The following ALDH4A1 variants were observed in gnomAD, a reference collection of about 807,000 sequenced individuals.
The protein encoded by ALDH4A1 is aldehyde dehydrogenase 4 family member A1.
ALDH4A1 carries 46 observed loss-of-function variants against 70.5 expected under a neutral mutation model. The ratio of observed to expected loss-of-function variants is 0.65; its 90% CI spans 0.51 to 0.83. ALDH4A1 has a LOEUF of 0.83. Among genes scored for constraint, ALDH4A1 ranks in the 40% least tolerant of loss-of-function variants. The pLI is 0.00. For missense variants in ALDH4A1, 749 were observed against 766.5 expected (o/e 0.98, Z 0.27); for synonymous variants, 323 against 324.3 (o/e 1.00, Z 0.04).
At chr1:18,874,273 G>A (rs1178954812) in intron 14 of ALDH4A1, among the ~76,000 whole-genome samples, 190 bp downstream of exon 14, 1 of 152,246 alleles carries the variant, frequency 6.6e-6, no homozygotes, top group African/African-American at 2.4e-5. Flanking sequence ...TTCCTCCTCT[G>A]TAAAATGGGA....
chr1:18,894,453 G>C (rs1935548045), intron 1 of ALDH4A1, among the ~76,000 whole-genome samples: 3 of 152,254 alleles, frequency 2.0e-5, no homozygotes, highest in Admixed American at 2.0e-4. Context: ...TGAGGCAGGA[G>C]AATCACTTGA....
intron 1 of ALDH4A1, among the ~76,000 whole-genome samples, chr1:18,899,786 CTTTATGGTGA>C (rs1935740232): frequency 6.6e-6 from 1 of 152,234 alleles, no homozygotes; most frequent in Admixed American, 6.5e-5. Context: ...AAAGGCCACA[CTTTATGGTGA>C]TTGTCCTGAG....
In ALDH4A1 at chr1:18,902,510, G is replaced by C. The variant is rs1253574722; in HGVS notation, c.14C>G (p.Ala5Gly). 2.0e-6 allele frequency: 3 copies of C among 1,478,606 alleles called. No homozygotes were observed. The highest frequency in any genetic ancestry group is 2.6e-5 in the South Asian group (2 of 77,490). The allele number at this position is 1,478,606 out of a possible 1,614,324, so 91.6% of individuals were successfully genotyped here. A position where few individuals can be genotyped will look rare whatever the true frequency, so the allele number is the denominator to read the frequency against. ...CAGCAGGGCGCGGCGGAGCGCGGGC[G>C]CCGGCAGCAGCATCTCGGGTTAGAA... MLLP[A>G]PALRRALLSR... Residue 5 changes from alanine (A) to glycine (G), a missense_variant, in exon 1 of 15, where the codon GCG becomes GGG. Physicochemically the swap from Ala to Gly is moderately conservative, Grantham distance 60. Coordinates refer to ENST00000375341, the MANE Select transcript of ALDH4A1 (RefSeq NM_003748.4).
At chr1:18,882,499 C>T (rs915924012) in intron 7 of ALDH4A1, 4 of 507,900 alleles carry the variant, frequency 7.9e-6, no homozygotes, top group East Asian at 5.6e-5. Flanking sequence ...AACCTCACTC[C>T]GATAATGGCA....
intron 13 of ALDH4A1, 22 bp from the exon 14 acceptor site, chr1:18,874,603 A>G (rs1160021437): frequency 6.2e-7 from 1 of 1,612,354 alleles, no homozygotes; most frequent in South Asian, 1.1e-5. Flanking sequence ...AGCAGTGGTG[A>G]CAGAGCAACC....
chr1:18,885,743 G>A (rs1481269674), intron 4 of ALDH4A1, 115 bp from the exon 5 acceptor site: 2 of 1,435,418 alleles, frequency 1.4e-6, no homozygotes, highest in East Asian at 2.4e-5. Flanking sequence ...GACAATGCCT[G>A]TCTCCCTGGG....
Position 18,900,514 on chromosome 1 carries a change from G to GT in ALDH4A1, c.62+1947dup, listed in dbSNP as rs372551775. Among the ~76,000 whole-genome samples the GT allele has an allele frequency of 1.4e-3, 208 of 152,276 alleles. 2 individuals carry two copies. Among genetic ancestry groups the GT allele is most frequent in the African/African-American group, 4.7e-3 (196 of 41,552 alleles). ...ACTTGTGTTTCCTGTCAGGGCCAGG[G>GT]TTTTTTTCGTAATTGTCAGGGCCGG... On this transcript the variant is annotated intron_variant, in intron 1 of 14. Coordinates refer to ENST00000375341, the MANE Select transcript of ALDH4A1 (RefSeq NM_003748.4).
At chr1:18,876,542 C>A in intron 11 of ALDH4A1, 75 bp from the exon 12 acceptor site, 2 of 1,468,838 alleles carry the variant, frequency 1.4e-6, no homozygotes, top group Non-Finnish European at 1.8e-6. Flanking sequence ...AACACACTCA[C>A]CCCGAAACAC....
chr1:18,875,447 C>G lies in ALDH4A1; in HGVS notation c.1395G>C (p.Glu465Asp), dbSNP rs1934635886. Residue 465 changes from glutamate (E) to aspartate (D), a missense_variant, in exon 13 of 15, where the codon GAG (glutamate) becomes GAC (aspartate). Coordinates refer to ENST00000375341, the MANE Select transcript of ALDH4A1 (RefSeq NM_003748.4). ...VYVYPDDKYKETLQLVDSTTS... is the reference protein window; with the variant it reads ...VYVYPDDKYKDTLQLVDSTTS... ...TGGTGCTGTCAACCAGCTGCAGCGT[C>G]TCCTTGTACTTGTCATCCGGGTAGA... 6.2e-7 allele frequency: 1 copy of G among 1,614,164 alleles called. No homozygotes were observed. Among genetic ancestry groups the G allele is most frequent in the Non-Finnish European group, 8.5e-7 (1 of 1,180,018 alleles).
At chr1:18,876,661 C>CTGTGTGTGTGTGTGTG (rs10524811) in intron 11 of ALDH4A1, among the ~76,000 whole-genome samples, 194 bp from the exon 12 acceptor site, 31,480 of 146,686 alleles carry the variant, frequency 0.21, 3,437 homozygotes, top group Middle Eastern at 0.25. Flanking sequence ...GACATGAACA[C>CTGTGTGTGTGTGTGTG]TGTGTGTGTG....
chr1:18,878,571 C>T lies in ALDH4A1; in HGVS notation c.940+729G>A, dbSNP rs1934825549. Among the ~76,000 whole-genome samples the T allele has an allele frequency of 1.3e-5, 2 of 152,124 alleles. 1 individual carries two copies. Among genetic ancestry groups the T allele is most frequent in the South Asian group, 4.1e-4 (2 of 4,820 alleles). ...TGCAACTCTCCCTCCCTCTAGGCCT[C>T]AGCACATTCCCAAAATGTGCTCCAC... On this transcript the variant is annotated intron_variant, in intron 9 of 14. Transcript: ENST00000375341.
Position 18,872,636 on chromosome 1 carries a change from G to C in ALDH4A1, c.*209C>G. On this transcript the variant is annotated 3_prime_UTR_variant, in exon 15 of 15. Coordinates refer to ENST00000375341, the MANE Select transcript of ALDH4A1 (RefSeq NM_003748.4). ...TCCCACATGGCCGATGGGATAAGGGGTAGTGGCCATGTTCCTCCCCAGCAC... is the reference window on the plus strand; with the variant it reads ...TCCCACATGGCCGATGGGATAAGGGCTAGTGGCCATGTTCCTCCCCAGCAC... 1 of 548,702 alleles carries C rather than the reference G, an allele frequency of 1.8e-6. No homozygotes were observed. The highest frequency in any genetic ancestry group is 3.1e-5 in the Admixed American group (1 of 32,138). 34.0% of individuals were successfully genotyped at this position (548,702 alleles called of 1,614,324 possible). A position where few individuals can be genotyped will look rare whatever the true frequency, so the allele number is the denominator to read the frequency against.
intron 5 of ALDH4A1, among the ~76,000 whole-genome samples, chr1:18,883,896 C>T (rs750022374): frequency 4.6e-5 from 7 of 152,170 alleles, no homozygotes; most frequent in Non-Finnish European, 8.8e-5. Flanking sequence ...GAATGATGTT[C>T]GGCCTTGCTG....
Position 18,877,196 on chromosome 1 carries a change from C to T in ALDH4A1, c.1185+12G>A, listed in dbSNP as rs1329200477. ...TGCCCCCACCCAGGAACGCCCACTTCCCACCCCGTACCTTGGCATCAATCA... is the reference window on the plus strand; with the variant it reads ...TGCCCCCACCCAGGAACGCCCACTTTCCACCCCGTACCTTGGCATCAATCA... On this transcript the variant is annotated intron_variant, in intron 11 of 14. Transcript: ENST00000375341. 6.2e-7 allele frequency: 1 copy of T among 1,607,146 alleles called. No homozygotes were observed. Among genetic ancestry groups the T allele is most frequent in the Non-Finnish European group, 8.5e-7 (1 of 1,176,610 alleles).
chr1:18,877,317 C>CT, intron 10 of ALDH4A1, 62 bp from the exon 11 acceptor site: 1 of 1,564,176 alleles, frequency 6.4e-7, no homozygotes, highest in Non-Finnish European at 8.7e-7. Flanking sequence ...AGGGAGACCC[C>CT]TCCCCGCACA....
intron 7 of ALDH4A1, chr1:18,882,464 C>T: frequency 2.1e-6 from 1 of 477,732 alleles, no homozygotes; most frequent in South Asian, 1.5e-5. Flanking sequence ...CCCCCACAGG[C>T]CTGGGACTTC....
At chr1:18,877,891 C>G (rs940090045) in intron 9 of ALDH4A1, among the ~76,000 whole-genome samples, 1 of 152,168 alleles carries the variant, frequency 6.6e-6, no homozygotes, top group Non-Finnish European at 1.5e-5. Context: ...GATGGGAAAA[C>G]TGAAACTACC....
Position 18,885,427 on chromosome 1 carries a change from T to TTCCC in ALDH4A1, c.453+45_453+46insGGGA. 126 of 650,904 alleles carry TTCCC rather than the reference T, an allele frequency of 1.9e-4. 9 individuals carry two copies. The highest frequency in any genetic ancestry group is 4.2e-4 in the Middle Eastern group (1 of 2,394). 40.3% of individuals were successfully genotyped at this position (650,904 alleles called of 1,614,324 possible). On this transcript the variant is annotated intron_variant, in intron 5 of 14. Transcript: ENST00000375341. ...CTGCCATGGGTAGGGCACACCTGAC[T>TTCCC]CCCACCCCACCCCGCCCCACCCACC...
At chr1:18,897,125 T>A (rs1343433948) in intron 1 of ALDH4A1, 2 of 527,790 alleles carry the variant, frequency 3.8e-6, no homozygotes, top group East Asian at 5.5e-5. Context: ...AATCTGAAAC[T>A]TTTTGAGTGT....
Sources: allele counts gnomAD v4.1 joint callset (sites outside exome capture counted in the v4.1 genomes callset), GRCh38; gene constraint gnomAD v4.1.1; transcripts MANE v1.5; gene names NCBI Gene and HGNC (gene_info 2026-07-23, HGNC 2026-07-21).